Variants in DACH2 observed in about 807,000 individuals in gnomAD.
DACH2 encodes dachshund homolog 2.
A neutral mutation model predicts 35.8 loss-of-function variants in DACH2; 17 were observed. That is an observed-to-expected ratio of 0.48 (90% confidence interval 0.33 to 0.71). The LOEUF (loss-of-function observed/expected upper bound fraction) is 0.71. Ranked by LOEUF, DACH2 falls within the 30% of genes least tolerant of loss-of-function variation. The pLI, the probability that DACH2 is intolerant of heterozygous loss-of-function variation, is 0.02. For missense variants in DACH2, 469 were observed against 472.7 expected (o/e 0.99, Z 0.07); for synonymous variants, 195 against 177.3 (o/e 1.10, Z -0.79).
chrX:86,254,838 A>AGAGAGAGAGAG (rs1569318220), intron 1 of DACH2, among the ~76,000 whole-genome samples: 8 of 88,424 alleles, frequency 9.0e-5, no homozygotes, highest in African/African-American at 3.4e-4. Flanking sequence ...AGAGAGAGAG[A>AGAGAGAGAGAG]AGGTTTATAA....
intron 1 of DACH2, among the ~76,000 whole-genome samples, chrX:86,355,131 C>G (rs962131456): frequency 1.8e-5 from 2 of 111,548 alleles, no homozygotes; most frequent in African/African-American, 6.5e-5. Flanking sequence ...TGTTTAGCTC[C>G]CACTTATACG....
intron 1 of DACH2, among the ~76,000 whole-genome samples, chrX:86,183,700 A>G (rs200093911): frequency 1.8e-5 from 2 of 111,789 alleles, no homozygotes; most frequent in Non-Finnish European, 1.9e-5. Flanking sequence ...AAAATGAATT[A>G]GGGAGGAGTC....
intron 1 of DACH2, among the ~76,000 whole-genome samples, chrX:86,181,572 A>C (rs1332117937): frequency 1.8e-5 from 2 of 111,119 alleles, no homozygotes; most frequent in African/African-American, 6.6e-5. Context: ...CATTTTCTTT[A>C]TCCAGTCTAT....
At chrX:86,398,036 T>C (rs937477176) in intron 2 of DACH2, among the ~76,000 whole-genome samples, 1 of 111,948 alleles carries the variant, frequency 8.9e-6, no homozygotes, top group Non-Finnish European at 1.9e-5. Context: ...TTTTGGTTGG[T>C]AAGCTATTAA....
At chrX:86,196,570 G>T (rs1402588775) in intron 1 of DACH2, among the ~76,000 whole-genome samples, 5 of 107,023 alleles carry the variant, frequency 4.7e-5, no homozygotes, top group Non-Finnish European at 1.9e-5. Flanking sequence ...GTGGGTGCCT[G>T]TAGTCCCAGC....
intron 3 of DACH2, among the ~76,000 whole-genome samples, chrX:86,534,975 TCTAGTTATC>T (rs770355627): frequency 8.9e-6 from 1 of 112,213 alleles, no homozygotes; most frequent in African/African-American, 3.2e-5. Flanking sequence ...AACAAAGTTA[TCTAGTTATC>T]TGCTCACAAT....
intron 7 of DACH2, among the ~76,000 whole-genome samples, chrX:86,750,388 T>C (rs1294180846): frequency 8.9e-6 from 1 of 112,180 alleles, no homozygotes; most frequent in Non-Finnish European, 1.9e-5. Flanking sequence ...ATTCATTACA[T>C]TGATTTTTCT....
chrX:86,442,038 A>T lies in DACH2; in HGVS notation c.527+65176A>T, dbSNP rs1411670773. 3.7e-5 allele frequency among the ~76,000 whole-genome samples: 4 copies of T among 109,388 alleles called. No individual in the cohort carries two copies. In the East Asian group the frequency reaches 1.2e-3, roughly 32 times the overall value. 95.0% of individuals were successfully genotyped at this position (109,388 alleles called of 115,157 possible). ...TGCCACCATGCCCAGTTATCCTTTT[A>T]ACATTTTTTTGTGGAGATGGGAATT... is the stretch of plus-strand genomic sequence containing the variant. On this transcript the variant is annotated intron_variant, in intron 2 of 11. Transcript: ENST00000373125.
intron 3 of DACH2, among the ~76,000 whole-genome samples, chrX:86,599,466 T>TTTTCTTTTCTTTC (rs2039759359): frequency 1.6e-5 from 1 of 62,780 alleles, no homozygotes; most frequent in Non-Finnish European, 2.8e-5. Flanking sequence ...TCCTTCCTTC[T>TTTTCTTTTCTTTC]TTTCTTTCTT....
rs761633286 is a variant in DACH2 at position 86,240,793 on chromosome X, GA to G, written c.488+91686del. Among the ~76,000 whole-genome samples the G allele has an allele frequency of 3.6e-5, 4 of 110,202 alleles. No individual in the cohort carries two copies. In the South Asian group the frequency reaches 1.6e-3, roughly 44 times the overall value. ...TGGATTTCCCCCTTGCTGTTCTCAT[GA>G]TAATTAAGTGTGTTCTCACAATATC... On this transcript the variant is annotated intron_variant, in intron 1 of 11. Coordinates refer to ENST00000373125, the MANE Select transcript of DACH2 (RefSeq NM_053281.3).
At chrX:86,667,588 GAAAGAAAGAAAGAAAGAAAGAAA>G (rs1569463718) in intron 4 of DACH2, among the ~76,000 whole-genome samples, 7 of 103,454 alleles carry the variant, frequency 6.8e-5, no homozygotes, top group Non-Finnish European at 1.4e-4. Flanking sequence ...AAGAAAGAAA[GAAAGAAAGAAAGAAAGAAAGAAA>G]GAAAGGCAGG....
At chrX:86,223,405 A>G (rs2032756270) in intron 1 of DACH2, among the ~76,000 whole-genome samples, 1 of 111,434 alleles carries the variant, frequency 9.0e-6, no homozygotes, top group South Asian at 3.8e-4. Context: ...AAATTTTAGC[A>G]TTATTCCCTT....
intron 7 of DACH2, among the ~76,000 whole-genome samples, chrX:86,799,405 C>T (rs73512635): frequency 9.3e-4 from 104 of 111,840 alleles, no homozygotes; most frequent in African/African-American, 3.3e-3. Flanking sequence ...GCAAGATGGC[C>T]GAATAGGAAC....
chrX:86,699,212 A>G (rs781128071), intron 5 of DACH2, among the ~76,000 whole-genome samples: 2 of 112,121 alleles, frequency 1.8e-5, no homozygotes, highest in South Asian at 7.4e-4. Context: ...AAACGGACCT[A>G]AAAGTATTTA....
chrX:86,717,747 A>ATAT (rs753571656), intron 6 of DACH2, among the ~76,000 whole-genome samples: 1 of 98,523 alleles, frequency 1.0e-5, no homozygotes, highest in African/African-American at 3.7e-5. Flanking sequence ...TATTATATAT[A>ATAT]ATATATATAT....
chrX:86,725,037 A>AAC (rs1368459729), intron 6 of DACH2, among the ~76,000 whole-genome samples: 1 of 109,385 alleles, frequency 9.1e-6, no homozygotes, highest in Non-Finnish European at 1.9e-5. Context: ...TATTAAAAAA[A>AAC]AAAAACAATA....
At chrX:86,407,147 T>G (rs756694635) in intron 2 of DACH2, among the ~76,000 whole-genome samples, 4 of 111,962 alleles carry the variant, frequency 3.6e-5, no homozygotes, top group Middle Eastern at 4.6e-3. Context: ...ATGAAGAATA[T>G]TGAGAACCTA....
intron 2 of DACH2, among the ~76,000 whole-genome samples, chrX:86,405,712 CTT>C (rs2036517141): frequency 9.0e-6 from 1 of 111,589 alleles, no homozygotes; most frequent in African/African-American, 3.3e-5. Flanking sequence ...TTTTGGGTAT[CTT>C]TACATTGGCA....
chrX:86,685,378 A>G lies in DACH2; in HGVS notation c.773-9643A>G, dbSNP rs1047284098. On this transcript the variant is annotated intron_variant, in intron 4 of 11. Coordinates refer to ENST00000373125, the MANE Select transcript of DACH2 (RefSeq NM_053281.3). Reference sequence around the variant, plus strand: ...ATGGTTCATATCTTAAATATTAGTGACACATAATGTTGTACTTACTTTTTG... The same window carrying G: ...ATGGTTCATATCTTAAATATTAGTGGCACATAATGTTGTACTTACTTTTTG... 5.4e-5 allele frequency among the ~76,000 whole-genome samples: 6 copies of G among 112,045 alleles called. No individual in the cohort carries two copies. In the Admixed American group the frequency reaches 5.7e-4, roughly 11 times the overall value.
Sources: gnomAD v4.1 joint callset for allele counts (sites outside exome capture counted in the v4.1 genomes callset) on GRCh38, gnomAD v4.1.1 for gene constraint, MANE v1.5 for transcripts, NCBI Gene and HGNC (gene_info 2026-07-23, HGNC 2026-07-21) for gene names.